The following XKR9 variants were observed in gnomAD, a reference collection of about 807,000 sequenced individuals.
XKR9 encodes XK-related protein 9.
A neutral mutation model predicts 32.0 loss-of-function variants in XKR9; 32 were observed. The observed-to-expected ratio is 1.00, with a 90% CI of 0.76 to 1.34. The LOEUF (loss-of-function observed/expected upper bound fraction) is 1.34, where lower values mean the gene tolerates loss of function less well. Among genes scored for constraint, XKR9 ranks in the 40% most tolerant of loss-of-function variants. XKR9 has a pLI of 0.00. For missense variants in XKR9, 546 were observed against 429.7 expected (o/e 1.27, Z -2.39); for synonymous variants, 168 against 143.4 (o/e 1.17, Z -1.22).
At chr8:70,812,118 G>C in the XKR9 span, among the ~76,000 whole-genome samples, 2 of 152,270 alleles carry the variant, frequency 1.3e-5, no homozygotes, top group African/African-American at 4.8e-5. Context: ...CCATCCCTGG[G>C]ATGCAAGGCT....
the XKR9 span, among the ~76,000 whole-genome samples, chr8:70,895,103 T>C: frequency 1.3e-5 from 2 of 152,138 alleles, no homozygotes; most frequent in African/African-American, 2.4e-5. Flanking sequence ...GGGGACCCCA[T>C]TGGTGAGTTC....
intron 2 of XKR9, among the ~76,000 whole-genome samples, chr8:70,750,921 G>A (rs1807130744): frequency 6.6e-6 from 1 of 152,128 alleles, no homozygotes; most frequent in African/African-American, 2.4e-5. Context: ...ATATTTAAAC[G>A]AATGGACTTG....
At chr8:70,869,089 C>T in the XKR9 span, among the ~76,000 whole-genome samples, 1 of 152,172 alleles carries the variant, frequency 6.6e-6, no homozygotes, top group South Asian at 2.1e-4. Context: ...AGCCATTCAA[C>T]AAGTCTCTTG....
chr8:70,874,939 G>A, the XKR9 span, among the ~76,000 whole-genome samples: 8 of 152,172 alleles, frequency 5.3e-5, no homozygotes, highest in South Asian at 1.0e-3. Flanking sequence ...ATTGATTCTG[G>A]TTGTTCTGCC....
chr8:70,724,008 C>G (rs1268172587), intron 4 of XKR9, among the ~76,000 whole-genome samples: 1 of 151,548 alleles, frequency 6.6e-6, no homozygotes, highest in Non-Finnish European at 1.5e-5. Context: ...CCGAGGTGTT[C>G]TGTCCCAGGG....
the XKR9 span, among the ~76,000 whole-genome samples, chr8:70,889,485 G>T: frequency 1.3e-5 from 2 of 151,592 alleles, no homozygotes; most frequent in African/African-American, 2.4e-5. Flanking sequence ...GAGGTTTAGG[G>T]TGTGATTGAT....
At chr8:70,877,647 A>T in the XKR9 span, among the ~76,000 whole-genome samples, 1 of 152,222 alleles carries the variant, frequency 6.6e-6, no homozygotes, top group East Asian at 1.9e-4. Context: ...AGCTTCCAAG[A>T]AATATGGGAC....
the XKR9 span, among the ~76,000 whole-genome samples, chr8:70,914,150 G>C: frequency 6.6e-6 from 1 of 152,086 alleles, no homozygotes; most frequent in Admixed American, 6.6e-5. Context: ...CTGTAGCCTT[G>C]GTTTTCTGAG....
intron 2 of XKR9, among the ~76,000 whole-genome samples, chr8:70,773,389 G>A (rs1807479080): frequency 6.6e-6 from 1 of 152,128 alleles, no homozygotes; most frequent in Admixed American, 6.6e-5. Context: ...CAATCTACTG[G>A]CCATGGTCAT....
intron 2 of XKR9, among the ~76,000 whole-genome samples, chr8:70,761,989 T>C (rs1269075553): frequency 1.3e-5 from 2 of 152,152 alleles, no homozygotes; most frequent in African/African-American, 4.8e-5. Context: ...GTCAGGTTTG[T>C]TGAAGATCAG....
chr8:70,971,657 C>G, the XKR9 span, among the ~76,000 whole-genome samples: 1 of 152,120 alleles, frequency 6.6e-6, no homozygotes. Flanking sequence ...AGGTCAGGAT[C>G]CAGTTTCATT....
the XKR9 span, among the ~76,000 whole-genome samples, chr8:71,031,408 C>T: frequency 6.6e-6 from 1 of 152,038 alleles, no homozygotes; most frequent in Non-Finnish European, 1.5e-5. Context: ...GTTAATGATT[C>T]ATTACTTTAC....
At chr8:70,716,930 A>ACACC (rs1213759676) in intron 4 of XKR9, among the ~76,000 whole-genome samples, 1 of 151,464 alleles carries the variant, frequency 6.6e-6, no homozygotes, top group Admixed American at 6.5e-5. Context: ...TTGAGTAAAT[A>ACACC]CACCCATTCC....
the XKR9 span, among the ~76,000 whole-genome samples, chr8:71,063,976 T>C: frequency 6.6e-6 from 1 of 152,224 alleles, no homozygotes; most frequent in Non-Finnish European, 1.5e-5. Flanking sequence ...TTGTGTCTTC[T>C]TTTATGGGTC....
At chr8:70,929,971 C>T in the XKR9 span, among the ~76,000 whole-genome samples, 119 of 152,238 alleles carry the variant, frequency 7.8e-4, no homozygotes, top group Non-Finnish European at 1.4e-3. Flanking sequence ...GAATTCTGCC[C>T]GTCACAGGCA....
At chr8:70,716,105 C>A (rs1318254994) in intron 4 of XKR9, among the ~76,000 whole-genome samples, 4 of 151,122 alleles carry the variant, frequency 2.6e-5, no homozygotes, top group African/African-American at 4.9e-5. Context: ...GAATGGTGTT[C>A]TAAAAAACCA....
chr8:70,901,271 A>T, the XKR9 span, among the ~76,000 whole-genome samples: 392 of 152,340 alleles, frequency 2.6e-3, 3 homozygotes, highest in African/African-American at 8.8e-3. Context: ...TTACAGTCCC[A>T]GCAACAGTGT....
chr8:70,919,638 C>G, the XKR9 span, among the ~76,000 whole-genome samples: 10 of 152,152 alleles, frequency 6.6e-5, no homozygotes, highest in South Asian at 6.2e-4. Flanking sequence ...TCTTTTCTTT[C>G]CTTATTTCCC....
At chr8:70,742,660 G>T (rs960123622) in intron 2 of XKR9, among the ~76,000 whole-genome samples, 6 of 151,802 alleles carry the variant, frequency 4.0e-5, no homozygotes, top group African/African-American at 9.7e-5. Flanking sequence ...GGATATTTTT[G>T]TTGGATATAG....
Sources: allele counts gnomAD v4.1 joint callset (sites outside exome capture counted in the v4.1 genomes callset), GRCh38; gene constraint gnomAD v4.1.1; transcripts MANE v1.5; gene names NCBI Gene and HGNC (gene_info 2026-07-23, HGNC 2026-07-21).